DOK7: variants seen among roughly 807,000 people sequenced by gnomAD.
The protein encoded by DOK7 is protein Dok-7.
Under a neutral mutation model 30.7 loss-of-function variants are expected in DOK7, and 32 were observed. The observed-to-expected ratio is 1.04, with a 90% CI of 0.79 to 1.40. The LOEUF is 1.40. DOK7 is among the 40% of genes most tolerant of loss of function. DOK7 has a pLI of 0.00. For synonymous variants in DOK7, 447 were observed against 324.1 expected, an observed-to-expected ratio of 1.38 and a Z score of -4.07; for missense variants, 1,007 against 699.2, an observed-to-expected ratio of 1.44 and a Z score of -4.97.
In DOK7 at chr4:3,494,400, C is replaced by T; in HGVS notation, c.*899C>T. On this transcript the variant is annotated 3_prime_UTR_variant, in exon 7 of 7. Coordinates refer to ENST00000340083, the MANE Select transcript of DOK7 (RefSeq NM_173660.5). The stretch of plus-strand genomic sequence containing the variant: ...CCACAGCCCAGCAGCTCCCTGTGAA[C>T]ACCTCTTTGTCCCTTCACTGTCAGC... 2 of 986,020 alleles carry T rather than the reference C, an allele frequency of 2.0e-6. No individual in the cohort carries two copies. The highest frequency in any genetic ancestry group is 9.4e-5 in the South Asian group (2 of 21,302). The allele number at this position is 986,020 out of a possible 1,614,324, so 61.1% of individuals were successfully genotyped here.
In DOK7 at chr4:3,493,205, A is replaced by G. The variant is rs377326004; in HGVS notation, c.1219A>G (p.Thr407Ala). The G allele has an allele frequency of 1.7e-5, 27 of 1,611,576 alleles. No homozygotes were observed. Among genetic ancestry groups the G allele is most frequent in the African/African-American group, 6.7e-5 (5 of 74,856 alleles). Residue 407 changes from threonine to alanine, a missense_variant, in exon 7 of 7, where the codon ACA becomes GCA. Coordinates refer to ENST00000340083, the MANE Select transcript of DOK7 (RefSeq NM_173660.5). ...CACCTCCCTGCGGGCCCACTATGAC[A>G]CACCACGCAGCCTTTGCCTGGCTCC... ...VPTSLRAHYD[T>A]PRSLCLAPRD...
At chr4:3,468,350 TTGTCTGTGTGCGTG>T (rs1276489838) in intron 2 of DOK7, among the ~76,000 whole-genome samples, 2 of 150,684 alleles carry the variant, frequency 1.3e-5, no homozygotes, top group African/African-American at 4.9e-5. Flanking sequence ...GCTCAAATGC[TTGTCTGTGTGCGTG>T]TGTCTGTGTG....
At chr4:3,479,446 T>A (rs1727310319) in intron 4 of DOK7, among the ~76,000 whole-genome samples, 1 of 152,134 alleles carries the variant, frequency 6.6e-6, no homozygotes, top group Non-Finnish European at 1.5e-5. Flanking sequence ...TCCCAATAAG[T>A]CTGTGGGTGT....
intron 4 of DOK7, 184 bp from the exon 5 acceptor site, chr4:3,485,355 T>C: frequency 1.3e-6 from 1 of 787,096 alleles, no homozygotes; most frequent in Non-Finnish European, 1.8e-6. Context: ...GGGTGTCGGC[T>C]CTGGGCACCC....
rs368188578 is a variant in DOK7, at chr4:3,485,672, C to A, written c.652+14C>A. On this transcript the variant is annotated intron_variant, in intron 5 of 6. Coordinates refer to ENST00000340083, the MANE Select transcript of DOK7 (RefSeq NM_173660.5). ...CGGTTCTACCAGGTGCGTGTGGGAGCCTGGCCGGCCGGGGAGGGTGCGCTC... is the reference window on the plus strand; with the variant it reads ...CGGTTCTACCAGGTGCGTGTGGGAGACTGGCCGGCCGGGGAGGGTGCGCTC... 6.4e-7 allele frequency: 1 copy of A among 1,551,962 alleles called. No homozygotes were observed. The highest frequency in any genetic ancestry group is 1.8e-5 in the Admixed American group (1 of 54,582).
intron 5 of DOK7, among the ~76,000 whole-genome samples, chr4:3,487,840 C>T (rs377082119): frequency 5.7e-4 from 87 of 152,352 alleles, no homozygotes; most frequent in African/African-American, 1.9e-3. Flanking sequence ...TGGCCCTGGT[C>T]GGAATGTCCC....
In DOK7 at chr4:3,493,826, T is replaced by G; in HGVS notation, c.*325T>G. 8.1e-7 allele frequency: 1 copy of G among 1,230,000 alleles called. No individual in the cohort carries two copies. The highest frequency in any genetic ancestry group is 1.0e-6 in the Non-Finnish European group (1 of 982,964). 76.2% of individuals were successfully genotyped at this position (1,230,000 alleles called of 1,614,324 possible). ...ACCTCTGTTGGCTCGTGCCTTGCAC[T>G]GGGGTGCCAAGGGCTGGAGGCCCTG... On this transcript the variant is annotated 3_prime_UTR_variant, in exon 7 of 7. Coordinates refer to ENST00000340083, the MANE Select transcript of DOK7 (RefSeq NM_173660.5).
At chr4:3,474,227 C>T (rs957418800) in intron 3 of DOK7, among the ~76,000 whole-genome samples, 10 of 152,052 alleles carry the variant, frequency 6.6e-5, no homozygotes, top group Admixed American at 2.0e-4. Context: ...GGGCACTCAG[C>T]GGCAGAGCAA....
At chr4:3,469,139 GTA>G (rs1726585132) in intron 2 of DOK7, among the ~76,000 whole-genome samples, 1 of 150,224 alleles carries the variant, frequency 6.7e-6, no homozygotes, top group African/African-American at 2.5e-5. Flanking sequence ...GTGTGTGCGT[GTA>G]TGTGTCTGTG....
intron 2 of DOK7, among the ~76,000 whole-genome samples, chr4:3,466,927 C>T (rs1726320398): frequency 6.6e-6 from 1 of 152,214 alleles, no homozygotes; most frequent in African/African-American, 2.4e-5. Context: ...GGGTCCGGGG[C>T]TAGGCACTGG....
rs1021361837 is a variant in DOK7 at position 3,484,916 on chromosome 4, C to T, written c.533-623C>T. ...AGCCCGGGGGAAGGAAGTGTGGTCA[C>T]ATGGCAGCCTTCCTGGGATGTGACC... On this transcript the variant is annotated intron_variant, in intron 4 of 6. Transcript: ENST00000340083. 6.1e-6 allele frequency: 6 copies of T among 978,764 alleles called. No homozygotes were observed. In the African/African-American group the frequency reaches 1.1e-4, roughly 17 times the overall value. The allele number at this position is 978,764 out of a possible 1,614,324, so 60.6% of individuals were successfully genotyped here.
chr4:3,468,794 ATG>A (rs1726529439), intron 2 of DOK7, among the ~76,000 whole-genome samples: 1 of 131,484 alleles, frequency 7.6e-6, no homozygotes, highest in East Asian at 2.4e-4. Context: ...GTGATCATGT[ATG>A]TCTGTGTGTG....
rs769793776 is a variant in DOK7, at chr4:3,493,402, C to T, written c.1416C>T (p.Gly472=). The change falls in exon 7 of 7, where the codon GGC becomes GGT. Residue 472 remains glycine (G), a synonymous_variant. Coordinates refer to ENST00000340083, the MANE Select transcript of DOK7 (RefSeq NM_173660.5). Reference sequence around the variant, plus strand: ...CCACACTGCCTGGCCCTGCCCCTGGCGAGCCCTGGGAAGCAGGCGGCCCCC... The same window carrying T: ...CCACACTGCCTGGCCCTGCCCCTGGTGAGCCCTGGGAAGCAGGCGGCCCCC... ...SEATLPGPAP[G]EPWEAGGPHA... is the part of the protein sequence containing the mutation. 2.6e-5 allele frequency: 42 copies of T among 1,595,588 alleles called. No individual in the cohort carries two copies. The highest frequency in any genetic ancestry group is 1.0e-4 in the South Asian group (9 of 89,134).
At chr4:3,490,996 CCTTCCTTCTTCTTCCTGCTCATTCA>C in intron 6 of DOK7, among the ~76,000 whole-genome samples, 1 of 93,544 alleles carries the variant, frequency 1.1e-5, no homozygotes, top group Non-Finnish European at 2.4e-5. Context: ...CTCATTCATT[CCTTCCTTCTTCTTCCTGCTCATTCA>C]TTCCTTCCTT....
intron 6 of DOK7, 132 bp from the exon 7 acceptor site, chr4:3,492,627 C>CG: frequency 7.7e-7 from 1 of 1,299,022 alleles, no homozygotes. Context: ...CTGTAGGCCC[C>CG]GGGGCTTGGG....
At chr4:3,499,220 A>T (rs1729073385), downstream of DOK7, among the ~76,000 whole-genome samples, 1 of 152,144 alleles carries the variant, frequency 6.6e-6, no homozygotes, top group Non-Finnish European at 1.5e-5. Flanking sequence ...CCGACCCTGC[A>T]GGGCTGTCAC....
chr4:3,485,106 C>A (rs1050881149), intron 4 of DOK7, among the ~76,000 whole-genome samples: 24 of 152,206 alleles, frequency 1.6e-4, no homozygotes, highest in Non-Finnish European at 3.1e-4. Context: ...CAAGTGCCTG[C>A]TGGGTGGCAG....
intron 4 of DOK7, among the ~76,000 whole-genome samples, chr4:3,480,710 C>T (rs1025754662): frequency 1.3e-5 from 2 of 152,346 alleles, no homozygotes; most frequent in Non-Finnish European, 2.9e-5. Flanking sequence ...CCACCTTTGG[C>T]CACTGCAGCC....
intron 6 of DOK7, among the ~76,000 whole-genome samples, chr4:3,490,110 C>CCTTATTCATTCCTTTTCTCCCCCT (rs112331566): frequency 1.9e-5 from 1 of 52,736 alleles, no homozygotes; most frequent in African/African-American, 9.0e-5. Context: ...TTCTTCACCC[C>CCTTATTCATTCCTTTTCTCCCCCT]CATTCATTCC....
Sources: allele counts gnomAD v4.1 joint callset (sites outside exome capture counted in the v4.1 genomes callset), GRCh38; gene constraint gnomAD v4.1.1; transcripts MANE v1.5; gene names NCBI Gene and HGNC (gene_info 2026-07-23, HGNC 2026-07-21).